Variants in RBMS3 observed in about 807,000 individuals in gnomAD.
The protein encoded by RBMS3 is RNA-binding motif, single-stranded-interacting protein 3.
In RBMS3, 27 loss-of-function variants were observed where a neutral mutation model predicts 66.8. That is an observed-to-expected ratio of 0.40 (90% CI 0.30 to 0.56). The LOEUF is 0.56. RBMS3 is among the 20% of genes least tolerant of loss of function. The pLI is 0.40. For missense variants in RBMS3, 513 were observed against 549.5 expected (o/e 0.93, Z 0.66); for synonymous variants, 188 against 183.0 (o/e 1.03, Z -0.22).
intron 4 of RBMS3, among the ~76,000 whole-genome samples, chr3:29,655,658 TTA>T (rs1022908528): frequency 2.0e-4 from 31 of 152,184 alleles, no homozygotes; most frequent in African/African-American, 7.0e-4. Context: ...ATAATAAAGA[TTA>T]TGTTATTGGT....
chr3:29,303,724 CATTA>C (rs2033826187), intron 1 of RBMS3, among the ~76,000 whole-genome samples: 2 of 151,890 alleles, frequency 1.3e-5, no homozygotes, highest in Admixed American at 6.6e-5. Flanking sequence ...TTCAAATATT[CATTA>C]ATTAATAAAG....
At chr3:29,622,062 C>G (rs2048885910) in intron 4 of RBMS3, among the ~76,000 whole-genome samples, 1 of 152,030 alleles carries the variant, frequency 6.6e-6, no homozygotes, top group Non-Finnish European at 1.5e-5. Flanking sequence ...ATTAAAGGAT[C>G]CGGTGAACTC....
At chr3:29,926,362 A>G (rs187124996) in intron 10 of RBMS3, among the ~76,000 whole-genome samples, 3 of 152,208 alleles carry the variant, frequency 2.0e-5, no homozygotes, top group East Asian at 1.9e-4. Context: ...AGGGACCACA[A>G]AATAAAGTGC....
chr3:29,435,973 C>CAAAA lies in RBMS3; in HGVS notation c.248+1067_248+1070dup, dbSNP rs71091061. Among the ~76,000 whole-genome samples the CAAAA allele has an allele frequency of 4.2e-4, 58 of 138,024 alleles. 1 individual carries two copies. The highest frequency in any genetic ancestry group is 1.2e-3 in the African/African-American group (45 of 37,088). 90.5% of individuals were successfully genotyped at this position (138,024 alleles called of 152,430 possible). On this transcript the variant is annotated intron_variant, in intron 2 of 14. Transcript: ENST00000383767. ...TGGGCAACAGAGCGAGACTCCGTCT[C>CAAAA]AAAAAAAAAAAAGAAGACGAATCGT...
intron 4 of RBMS3, among the ~76,000 whole-genome samples, chr3:29,739,203 C>T (rs1045165970): frequency 6.6e-6 from 1 of 152,098 alleles, no homozygotes; most frequent in Admixed American, 6.5e-5. Flanking sequence ...CCTGTAATCC[C>T]AGCACTTTGG....
At chr3:29,384,435 T>TAATAATAAGAAGAAGAAG (rs776357215) in intron 1 of RBMS3, among the ~76,000 whole-genome samples, 2,625 of 141,042 alleles carry the variant, frequency 0.019, 31 homozygotes, top group South Asian at 0.035. Context: ...ATAATAATAA[T>TAATAATAAGAAGAAGAAG]AAGAAGAAGA....
intron 7 of RBMS3, among the ~76,000 whole-genome samples, chr3:29,876,367 A>C (rs2059611252): frequency 6.6e-6 from 1 of 152,226 alleles, no homozygotes; most frequent in South Asian, 2.1e-4. Flanking sequence ...AGTAAATTTT[A>C]CTAACAAAAT....
intron 11 of RBMS3, among the ~76,000 whole-genome samples, chr3:29,940,792 G>C (rs1268365923): frequency 6.6e-6 from 1 of 150,456 alleles, no homozygotes; most frequent in Non-Finnish European, 1.5e-5. Context: ...TGCAAGCAGT[G>C]TAACTGTTTT....
chr3:29,787,947 T>C (rs763404532), intron 6 of RBMS3, among the ~76,000 whole-genome samples: 24 of 152,298 alleles, frequency 1.6e-4, no homozygotes, highest in Middle Eastern at 3.4e-3. Flanking sequence ...TTGATTTATT[T>C]TATATTTTGA....
intron 1 of RBMS3, among the ~76,000 whole-genome samples, chr3:29,340,099 C>T (rs1418599503): frequency 2.0e-5 from 3 of 152,110 alleles, no homozygotes; most frequent in Admixed American, 2.0e-4. Context: ...AAAGTAATGT[C>T]AAGCACATAT....
intron 3 of RBMS3, among the ~76,000 whole-genome samples, chr3:29,576,292 T>A (rs1202775685): frequency 6.6e-6 from 1 of 152,164 alleles, no homozygotes; most frequent in East Asian, 1.9e-4. Flanking sequence ...ACTCTTCTCC[T>A]TTTCCTTTAC....
chr3:29,857,133 ATTGTATTTATTTCTACTAACTGAG>A (rs1309226615), intron 6 of RBMS3, among the ~76,000 whole-genome samples: 1 of 152,130 alleles, frequency 6.6e-6, no homozygotes, highest in African/African-American at 2.4e-5. Flanking sequence ...TGAAACCAGA[ATTGTATTTATTTCTACTAACTGAG>A]TTCACTGCAT....
At chr3:29,844,285 C>A (rs1178706094) in intron 6 of RBMS3, among the ~76,000 whole-genome samples, 1 of 151,920 alleles carries the variant, frequency 6.6e-6, no homozygotes, top group Non-Finnish European at 1.5e-5. Flanking sequence ...ATAATCTGTT[C>A]CCATGGGGAC....
intron 4 of RBMS3, among the ~76,000 whole-genome samples, chr3:29,703,885 C>T (rs1379410346): frequency 1.3e-5 from 2 of 152,168 alleles, no homozygotes; most frequent in Non-Finnish European, 2.9e-5. Context: ...TTTACAGCTG[C>T]TCCCAATCAC....
chr3:29,563,555 T>C (rs1359694108), intron 3 of RBMS3, among the ~76,000 whole-genome samples: 1 of 152,218 alleles, frequency 6.6e-6, no homozygotes, highest in East Asian at 1.9e-4. Flanking sequence ...CCCATAGTAC[T>C]AATTACACGG....
At chr3:29,681,203 C>T (rs2051476820) in intron 4 of RBMS3, among the ~76,000 whole-genome samples, 1 of 152,112 alleles carries the variant, frequency 6.6e-6, no homozygotes, top group Admixed American at 6.5e-5. Flanking sequence ...CTTAAATGTT[C>T]TTCATGAAAT....
intron 4 of RBMS3, among the ~76,000 whole-genome samples, chr3:29,687,423 A>G (rs1252862601): frequency 1.3e-5 from 2 of 152,226 alleles, no homozygotes; most frequent in Non-Finnish European, 2.9e-5. Flanking sequence ...TGACAAGGTT[A>G]TCTAGGCAGT....
chr3:29,405,557 G>T (rs532527964), intron 1 of RBMS3, among the ~76,000 whole-genome samples: 1 of 152,208 alleles, frequency 6.6e-6, no homozygotes, highest in East Asian at 1.9e-4. Context: ...CCACATACGT[G>T]GCTGTAATGT....
intron 12 of RBMS3, 80 bp from the exon 13 acceptor site, chr3:29,988,063 G>A: frequency 1.7e-6 from 2 of 1,163,660 alleles, no homozygotes; most frequent in Admixed American, 1.8e-5. Context: ...CATAGCTAAA[G>A]CAGTCTCCTG....
Sources: allele counts gnomAD v4.1 joint callset (sites outside exome capture counted in the v4.1 genomes callset), GRCh38; gene constraint gnomAD v4.1.1; transcripts MANE v1.5; gene names NCBI Gene and HGNC (gene_info 2026-07-23, HGNC 2026-07-21).